Variants in RNF38 observed in about 807,000 individuals in gnomAD.
The protein encoded by RNF38 is E3 ubiquitin-protein ligase RNF38.
In RNF38, 15 loss-of-function variants were observed where a neutral mutation model predicts 67.2. That is an observed-to-expected ratio of 0.22 (90% CI 0.15 to 0.34). RNF38 has a LOEUF of 0.34. Among genes scored for constraint, RNF38 ranks in the 10% least tolerant of loss-of-function variants. RNF38 has a pLI of 1.00. For missense variants in RNF38, 524 were observed against 639.9 expected, an observed-to-expected ratio of 0.82 and a Z score of 1.95; for synonymous variants, 220 against 218.8, an observed-to-expected ratio of 1.01 and a Z score of -0.05.
chr9:36,408,138 A>T (rs1324042370), intron 2 of RNF38, among the ~76,000 whole-genome samples: 1 of 152,000 alleles, frequency 6.6e-6, no homozygotes, highest in Non-Finnish European at 1.5e-5. Flanking sequence ...GAAACCTGTC[A>T]CCCAGGTTGA....
Position 36,434,683 on chromosome 9 carries a change from C to T in RNF38, n.242-10000G>A, listed in dbSNP as rs117408604. 5.2e-3 allele frequency among the ~76,000 whole-genome samples: 796 copies of T among 152,306 alleles called. 11 individuals carry two copies. The highest frequency in any genetic ancestry group is 0.018 in the East Asian group (91 of 5,170). On this transcript the variant is annotated intron_variant and non_coding_transcript_variant, in intron 1 of 3. Transcript: ENST00000488058. ...GGATTACAGGCATGAGCCACCGTGC[C>T]CAGCCTACATGTAACTTTTAAACCA...
At chr9:36,398,396 C>T (rs942180887) in intron 1 of RNF38, among the ~76,000 whole-genome samples, 4 of 151,968 alleles carry the variant, frequency 2.6e-5, no homozygotes, top group African/African-American at 9.7e-5. Context: ...TAGCAAAACC[C>T]GTTTCTGGAA....
At chr9:36,472,794 T>A (rs1840025545) in intron 1 of RNF38, among the ~76,000 whole-genome samples, 1 of 152,150 alleles carries the variant, frequency 6.6e-6, no homozygotes, top group Non-Finnish European at 1.5e-5. Context: ...AAGAAGTAAC[T>A]TAAATATGCC....
chr9:36,442,733 C>T (rs907339501), intron 1 of RNF38, among the ~76,000 whole-genome samples: 3 of 152,210 alleles, frequency 2.0e-5, no homozygotes, highest in African/African-American at 7.2e-5. Context: ...GAGCCGAGAT[C>T]GTGCTATTGC....
rs983689794 is a variant in RNF38 at position 36,375,935 on chromosome 9, T to A, written c.355A>T (p.Ser119Cys). The change falls in exon 3 of 12, where the codon AGT (serine) becomes TGT (cysteine). Residue 119 changes from serine to cysteine, a missense_variant and splice_region_variant. Ser to Cys is a moderately radical substitution (Grantham distance 112, BLOSUM62 -1). Coordinates refer to ENST00000259605, the MANE Select transcript of RNF38 (RefSeq NM_022781.5). ...AGAAATAAATTGTAATCAACTAACC[T>A]TCTTCTGTTGCGTGCAGGTGTGTTG... ...RCNTPARNRRSPPVRRQRGRR... is the reference protein window; with the variant it reads ...RCNTPARNRRCPPVRRQRGRR... 2 of 1,603,206 alleles carry A rather than the reference T, an allele frequency of 1.2e-6. No individual in the cohort carries two copies. Among genetic ancestry groups the A allele is most frequent in the African/African-American group, 2.7e-5 (2 of 74,450 alleles).
In RNF38 at chr9:36,455,063, CT is replaced by C. The variant is rs373048334; in HGVS notation, n.242-30381del. On this transcript the variant is annotated intron_variant and non_coding_transcript_variant, in intron 1 of 3. Transcript: ENST00000488058. ...AGAACATAAACTGCAAATGCAATCT[CT>C]TTTTTTTTTTTCTGAGACACAGTCT... Among the ~76,000 whole-genome samples, 971 of 146,624 alleles carry C rather than the reference CT, an allele frequency of 6.6e-3. 10 individuals are homozygous for C. The highest frequency in any genetic ancestry group is 0.02 in the African/African-American group (811 of 40,198).
chr9:36,344,417 A>T (rs1833066989), intron 10 of RNF38, among the ~76,000 whole-genome samples: 2 of 152,194 alleles, frequency 1.3e-5, no homozygotes, highest in South Asian at 4.1e-4. Context: ...TTTAGGTAAG[A>T]ACCTCAAAAC....
intron 7 of RNF38, 108 bp from the exon 8 acceptor site, chr9:36,352,956 T>C (rs1163870843): frequency 4.5e-6 from 4 of 889,176 alleles, no homozygotes; most frequent in Non-Finnish European, 5.2e-6. Context: ...TTCTTTATTG[T>C]TCAAAGTTTT....
At chr9:36,368,795 C>G (rs1188987179) in intron 4 of RNF38, among the ~76,000 whole-genome samples, 1 of 151,994 alleles carries the variant, frequency 6.6e-6, no homozygotes, top group Non-Finnish European at 1.5e-5. Context: ...TTAGCATTCT[C>G]TGGTAATTTT....
chr9:36,480,503 C>T (rs1840225934), intron 1 of RNF38, among the ~76,000 whole-genome samples: 2 of 151,084 alleles, frequency 1.3e-5, no homozygotes, highest in Non-Finnish European at 1.5e-5. Flanking sequence ...AATTGTCCTA[C>T]TACCTAACTG....
intron 2 of RNF38, among the ~76,000 whole-genome samples, chr9:36,419,177 A>G (rs1838555370): frequency 6.6e-6 from 1 of 152,230 alleles, no homozygotes; most frequent in Admixed American, 6.5e-5. Flanking sequence ...CAACCAGTAT[A>G]TAACGCAAAT....
chr9:36,349,011 A>C (rs1183506306), intron 9 of RNF38, among the ~76,000 whole-genome samples: 5 of 152,202 alleles, frequency 3.3e-5, no homozygotes, highest in Admixed American at 2.0e-4. Flanking sequence ...TGAAGCCAAT[A>C]ATCATCTGCC....
At chr9:36,372,513 T>A in intron 3 of RNF38, 1 of 713,470 alleles carries the variant, frequency 1.4e-6, no homozygotes, top group Non-Finnish European at 2.6e-6. Context: ...ACTGAAATCC[T>A]GCTAGATTAT....
At chr9:36,429,519 G>A (rs1475362473) in intron 1 of RNF38, among the ~76,000 whole-genome samples, 1 of 152,122 alleles carries the variant, frequency 6.6e-6, no homozygotes, top group Admixed American at 6.5e-5. Flanking sequence ...AGTGGCTCAC[G>A]CCTGTAATCC....
chr9:36,400,951 A>C (rs547855863), upstream of RNF38: 6 of 977,830 alleles, frequency 6.1e-6, no homozygotes, highest in Non-Finnish European at 7.2e-6. Flanking sequence ...CTCGGCGATC[A>C]CAGACCCGGG....
chr9:36,397,552 A>G (rs1279124723), intron 1 of RNF38, among the ~76,000 whole-genome samples: 1 of 152,184 alleles, frequency 6.6e-6, no homozygotes, highest in Admixed American at 6.5e-5. Flanking sequence ...CTCTTGAGTT[A>G]GGCAAACAAA....
chr9:36,386,706 TG>T (rs1454615626), intron 2 of RNF38, among the ~76,000 whole-genome samples: 11 of 152,334 alleles, frequency 7.2e-5, no homozygotes, highest in Admixed American at 4.6e-4. Context: ...ACCAAGATGG[TG>T]ATGACAATGA....
At chr9:36,469,533 T>C (rs973318866) in intron 1 of RNF38, among the ~76,000 whole-genome samples, 3 of 151,740 alleles carry the variant, frequency 2.0e-5, no homozygotes, top group Non-Finnish European at 4.4e-5. Flanking sequence ...TGGTGGCATA[T>C]GCCTGCAATC....
upstream of RNF38, chr9:36,401,033 G>T (rs1286598168): frequency 3.0e-6 from 3 of 984,210 alleles, no homozygotes; most frequent in African/African-American, 5.3e-5. Context: ...GCCGCGACAC[G>T]CGCGGTCCTC....
Sources: gnomAD v4.1 joint callset for allele counts (sites outside exome capture counted in the v4.1 genomes callset) on GRCh38, gnomAD v4.1.1 for gene constraint, MANE v1.5 for transcripts, NCBI Gene and HGNC (gene_info 2026-07-23, HGNC 2026-07-21) for gene names.